The following KLF12 variants were observed in gnomAD, a reference collection of about 807,000 sequenced individuals.
The protein encoded by KLF12 is Krueppel-like factor 12.
In KLF12, 9 loss-of-function variants were observed where a neutral mutation model predicts 37.8. That is an observed-to-expected ratio of 0.24 (90% CI 0.14 to 0.42). KLF12 has a LOEUF of 0.42. Among genes scored for constraint, KLF12 ranks in the 10% least tolerant of loss-of-function variants. The pLI, the probability that KLF12 is intolerant of heterozygous loss-of-function variation, is 1.00. For synonymous variants in KLF12, 208 were observed against 202.1 expected (o/e 1.03, Z -0.25); for missense variants, 411 against 516.0 (o/e 0.80, Z 1.97).
chr13:74,122,631 G>A (rs1694972348), intron 1 of KLF12, among the ~76,000 whole-genome samples: 1 of 151,978 alleles, frequency 6.6e-6, no homozygotes, highest in Non-Finnish European at 1.5e-5. Flanking sequence ...TGGAAACACA[G>A]TATTTCCCTC....
intron 3 of KLF12, among the ~76,000 whole-genome samples, chr13:73,880,359 T>C (rs1886917032): frequency 6.6e-6 from 1 of 152,196 alleles, no homozygotes; most frequent in Non-Finnish European, 1.5e-5. Flanking sequence ...TTAAATGAGT[T>C]AGAAGGGAGT....
chr13:74,130,085 C>T (rs933742305), intron 1 of KLF12, among the ~76,000 whole-genome samples: 1 of 152,204 alleles, frequency 6.6e-6, no homozygotes, highest in East Asian at 1.9e-4. Context: ...CAAGGCCCAT[C>T]TGTTTACTTG....
chr13:74,302,742 T>C, the KLF12 span, among the ~76,000 whole-genome samples: 2 of 152,110 alleles, frequency 1.3e-5, no homozygotes, highest in African/African-American at 4.8e-5. Flanking sequence ...CCAATGTGAC[T>C]GCTTGGCTTG....
intron 3 of KLF12, among the ~76,000 whole-genome samples, chr13:73,903,754 C>T (rs940563578): frequency 3.9e-5 from 6 of 152,260 alleles, no homozygotes; most frequent in Non-Finnish European, 7.4e-5. Context: ...CAGCAGGAGG[C>T]GAGTAGTGGG....
At chr13:74,111,860 T>C (rs1006301547) in intron 1 of KLF12, among the ~76,000 whole-genome samples, 2 of 152,192 alleles carry the variant, frequency 1.3e-5, no homozygotes, top group Non-Finnish European at 2.9e-5. Context: ...GTTCCACTTA[T>C]AAAAAAGGCA....
chr13:74,147,907 A>G, the KLF12 span, among the ~76,000 whole-genome samples: 1 of 150,056 alleles, frequency 6.7e-6, no homozygotes, highest in Non-Finnish European at 1.5e-5. Context: ...TTGTTTTCTC[A>G]CTTCTTTTTT....
At chr13:74,074,476 C>T (rs1874453134) in intron 1 of KLF12, among the ~76,000 whole-genome samples, 1 of 152,134 alleles carries the variant, frequency 6.6e-6, no homozygotes, top group Admixed American at 6.5e-5. Context: ...TCTGATCTTA[C>T]CCAAAACTCC....
chr13:73,931,758 T>C (rs1889692520), intron 3 of KLF12, among the ~76,000 whole-genome samples: 1 of 151,924 alleles, frequency 6.6e-6, no homozygotes, highest in Non-Finnish European at 1.5e-5. Context: ...ATATCTATGA[T>C]CAGAACCAAC....
chr13:74,099,733 C>T (rs1394731252), intron 1 of KLF12, among the ~76,000 whole-genome samples: 1 of 152,194 alleles, frequency 6.6e-6, no homozygotes, highest in Admixed American at 6.5e-5. Flanking sequence ...TCAGCTATTT[C>T]ACCCACTAGT....
chr13:74,161,655 G>T, the KLF12 span, among the ~76,000 whole-genome samples: 1 of 152,170 alleles, frequency 6.6e-6, no homozygotes, highest in Non-Finnish European at 1.5e-5. Flanking sequence ...AGTTTGTGGT[G>T]ATTTGTTACA....
upstream of KLF12, among the ~76,000 whole-genome samples, chr13:74,133,938 A>G (rs369242855): frequency 6.8e-4 from 104 of 152,072 alleles, no homozygotes; most frequent in African/African-American, 2.3e-3. Flanking sequence ...ATGGGGGGCA[A>G]CCCGGGGAAC....
At chr13:73,812,618 G>A (rs548239247) in intron 5 of KLF12, among the ~76,000 whole-genome samples, 32 of 151,952 alleles carry the variant, frequency 2.1e-4, no homozygotes, top group African/African-American at 7.7e-4. Flanking sequence ...TAGAAAAGCA[G>A]CTATTTTCAA....
chr13:74,037,823 C>A (rs569752081), intron 1 of KLF12, among the ~76,000 whole-genome samples: 3 of 152,130 alleles, frequency 2.0e-5, no homozygotes, highest in Non-Finnish European at 4.4e-5. Flanking sequence ...CAGATAAAAT[C>A]ACTGCTGCTG....
chr13:74,049,077 G>A (rs1218070496), intron 1 of KLF12, among the ~76,000 whole-genome samples: 3 of 152,202 alleles, frequency 2.0e-5, no homozygotes, highest in African/African-American at 7.2e-5. Context: ...GAATTAGTTA[G>A]ATTTCCACAT....
At chr13:74,250,223 A>G in the KLF12 span, among the ~76,000 whole-genome samples, 2 of 150,784 alleles carry the variant, frequency 1.3e-5, no homozygotes, top group Non-Finnish European at 3.0e-5. Context: ...AATGAAGACC[A>G]TGAGGACAAG....
At chr13:74,087,086 T>C (rs951469972) in intron 1 of KLF12, among the ~76,000 whole-genome samples, 3 of 152,174 alleles carry the variant, frequency 2.0e-5, no homozygotes, top group Non-Finnish European at 4.4e-5. Flanking sequence ...CTGTGCTGTC[T>C]GGAACATTTT....
At chr13:73,790,902 T>C (rs1881647056) in intron 5 of KLF12, among the ~76,000 whole-genome samples, 1 of 152,170 alleles carries the variant, frequency 6.6e-6, no homozygotes. Context: ...TAAACCATGC[T>C]CTCTCTTCCA....
At chr13:74,304,432 A>G in the KLF12 span, among the ~76,000 whole-genome samples, 2 of 152,154 alleles carry the variant, frequency 1.3e-5, no homozygotes, top group African/African-American at 2.4e-5. Flanking sequence ...TGAAATGTGG[A>G]GTTTTATCTC....
chr13:73,982,322 AAGG>A (rs369838368), intron 2 of KLF12, among the ~76,000 whole-genome samples: 8 of 152,216 alleles, frequency 5.3e-5, no homozygotes, highest in South Asian at 2.1e-4. Context: ...AAAAGAAATG[AAGG>A]AGGAGGAGGA....
Sources: allele counts gnomAD v4.1 joint callset (sites outside exome capture counted in the v4.1 genomes callset), GRCh38; gene constraint gnomAD v4.1.1; transcripts MANE v1.5; gene names NCBI Gene and HGNC (gene_info 2026-07-23, HGNC 2026-07-21).